The following CFAP58 variants were observed in gnomAD, a reference collection of about 807,000 sequenced individuals.
The protein encoded by CFAP58 is cilia and flagella associated protein 58.
In CFAP58, 88 loss-of-function variants were observed where a neutral mutation model predicts 119.5. The observed-to-expected ratio is 0.74, with a 90% confidence interval of 0.62 to 0.88. The LOEUF (loss-of-function observed/expected upper bound fraction) is 0.88, where lower values mean the gene tolerates loss of function less well. CFAP58 is among the 40% of genes least tolerant of loss of function. CFAP58 has a pLI of 0.00. For synonymous variants in CFAP58, 365 were observed against 366.3 expected (o/e 1.00, Z 0.04); for missense variants, 990 against 1,021.2 (o/e 0.97, Z 0.42).
chr10:104,357,640 C>G (rs2014560103), intron 1 of CFAP58, among the ~76,000 whole-genome samples: 1 of 152,028 alleles, frequency 6.6e-6, no homozygotes, highest in African/African-American at 2.4e-5. Flanking sequence ...CATCAGTGAT[C>G]TAATTTAATC....
intron 17 of CFAP58, among the ~76,000 whole-genome samples, 182 bp downstream of exon 17, chr10:104,450,386 G>A (rs1160958520): frequency 6.6e-6 from 1 of 152,200 alleles, no homozygotes; most frequent in Non-Finnish European, 1.5e-5. Context: ...ATCTGATACT[G>A]AGTCCCCTCC....
At chr10:104,444,360 C>G (rs574678211) in intron 15 of CFAP58, among the ~76,000 whole-genome samples, 49 of 152,314 alleles carry the variant, frequency 3.2e-4, no homozygotes, top group African/African-American at 1.1e-3. Context: ...TATTATAAGG[C>G]AGCTGGTTCT....
chr10:104,435,571 A>G (rs1192961248), intron 15 of CFAP58, among the ~76,000 whole-genome samples: 1 of 151,902 alleles, frequency 6.6e-6, no homozygotes, highest in African/African-American at 2.4e-5. Flanking sequence ...CATCAAACAC[A>G]CTCACATTTG....
intron 15 of CFAP58, among the ~76,000 whole-genome samples, chr10:104,447,115 A>G (rs1057473759): frequency 4.0e-5 from 6 of 151,664 alleles, no homozygotes; most frequent in African/African-American, 1.5e-4. Context: ...TCAGCCTCCT[A>G]AGTAGCTGGG....
intron 9 of CFAP58, among the ~76,000 whole-genome samples, chr10:104,386,363 G>C (rs2011923312): frequency 6.9e-6 from 1 of 145,600 alleles, no homozygotes. Flanking sequence ...GGTGACAAGA[G>C]TGAACCACCA....
rs80221280 is a variant in CFAP58, at chr10:104,395,528, G to A, written c.1674+2053G>A. Among the ~76,000 whole-genome samples, 864 of 152,290 alleles carry A rather than the reference G, an allele frequency of 5.7e-3. 4 individuals are homozygous for A. Among genetic ancestry groups the A allele is most frequent in the Admixed American group, 9.2e-3 (140 of 15,294 alleles). On this transcript the variant is annotated intron_variant, in intron 11 of 17. Coordinates refer to ENST00000369704, the MANE Select transcript of CFAP58 (RefSeq NM_001008723.2). ...GATTTATTATTTGAGTCTATCCAAG[G>A]GTGACTTGCAATGGTGCTCCGACTG...
the CFAP58 span, among the ~76,000 whole-genome samples, chr10:104,348,016 C>T: frequency 8.1e-4 from 123 of 151,472 alleles, 2 homozygotes; most frequent in African/African-American, 2.9e-3. Context: ...TGCTCTTGGT[C>T]CCTGTTATAA....
At chr10:104,433,729 T>G (rs1310427202) in intron 15 of CFAP58, among the ~76,000 whole-genome samples, 2 of 152,260 alleles carry the variant, frequency 1.3e-5, no homozygotes, top group Non-Finnish European at 2.9e-5. Context: ...CTTGAGTATT[T>G]AATTCCATCA....
chr10:104,437,073 G>A (rs1282549856), intron 15 of CFAP58, among the ~76,000 whole-genome samples: 1 of 152,002 alleles, frequency 6.6e-6, no homozygotes, highest in Non-Finnish European at 1.5e-5. Flanking sequence ...TTCAAATCTT[G>A]GCTCTAACAC....
chr10:104,367,761 C>T (rs2014771272), intron 5 of CFAP58, among the ~76,000 whole-genome samples: 1 of 152,204 alleles, frequency 6.6e-6, no homozygotes, highest in Non-Finnish European at 1.5e-5. Flanking sequence ...GCTATCCCTC[C>T]ACCTCCTCAA....
intron 2 of CFAP58, among the ~76,000 whole-genome samples, chr10:104,359,890 A>C (rs1589907729): frequency 6.6e-6 from 1 of 152,254 alleles, no homozygotes; most frequent in African/African-American, 2.4e-5. Context: ...CTAATTGGTA[A>C]AGTTGATTTG....
chr10:104,347,501 A>G, the CFAP58 span, among the ~76,000 whole-genome samples: 1 of 152,052 alleles, frequency 6.6e-6, no homozygotes, highest in Non-Finnish European at 1.5e-5. Flanking sequence ...AATTTTCTGT[A>G]ACACGTGGGC....
chr10:104,445,024 C>A (rs2013092361), intron 15 of CFAP58, among the ~76,000 whole-genome samples: 1 of 152,034 alleles, frequency 6.6e-6, no homozygotes, highest in South Asian at 2.1e-4. Flanking sequence ...AAGGTTAAAG[C>A]CTAGAAAGAA....
At chr10:104,340,504 G>C in the CFAP58 span, among the ~76,000 whole-genome samples, 1 of 152,118 alleles carries the variant, frequency 6.6e-6, no homozygotes, top group Non-Finnish European at 1.5e-5. Context: ...CCTCATGTCT[G>C]GATTGGACAC....
chr10:104,400,952 G>T (rs777932481), intron 13 of CFAP58, 49 bp downstream of exon 13: 1 of 1,390,166 alleles, frequency 7.2e-7, no homozygotes, highest in South Asian at 1.2e-5. Context: ...AACGTGGGGA[G>T]CTCCTAAAAT....
rs372537638 is a variant in CFAP58, at chr10:104,406,650, G to C, written c.2152-39G>C. 18 of 1,544,186 alleles carry C rather than the reference G, an allele frequency of 1.2e-5. No homozygotes were observed. The African/African-American group carries it at 2.0e-4, about 18-fold the overall frequency. ...ATAGAGGCCTCAGTGCTTTGAAGCTGATGATATCTCAGCTGCTATTGTTGT... is the reference window on the plus strand; with the variant it reads ...ATAGAGGCCTCAGTGCTTTGAAGCTCATGATATCTCAGCTGCTATTGTTGT... On this transcript the variant is annotated intron_variant, in intron 14 of 17. Transcript: ENST00000369704.
intron 15 of CFAP58, among the ~76,000 whole-genome samples, chr10:104,433,590 T>C (rs185781707): frequency 1.1e-3 from 164 of 152,180 alleles, no homozygotes; most frequent in African/African-American, 3.8e-3. Context: ...ATAGGGAACA[T>C]GAAGAGGAGC....
chr10:104,394,645 A>G (rs1365754133), intron 11 of CFAP58, among the ~76,000 whole-genome samples: 1 of 152,238 alleles, frequency 6.6e-6, no homozygotes, highest in Non-Finnish European at 1.5e-5. Flanking sequence ...TGCATGTACA[A>G]AAAAGATATT....
chr10:104,385,564 C>A (rs2011905560), intron 9 of CFAP58, among the ~76,000 whole-genome samples: 1 of 152,132 alleles, frequency 6.6e-6, no homozygotes, highest in Non-Finnish European at 1.5e-5. Context: ...TACCTGTAAT[C>A]TTAGCACTTT....
Sources: allele counts gnomAD v4.1 joint callset (sites outside exome capture counted in the v4.1 genomes callset), GRCh38; gene constraint gnomAD v4.1.1; transcripts MANE v1.5; gene names NCBI Gene and HGNC (gene_info 2026-07-23, HGNC 2026-07-21).